PARM1: variants seen among roughly 807,000 people sequenced by gnomAD.
PARM1 encodes the protein WSC4, cell wall integrity and stress response component 4 homolog.
A neutral mutation model predicts 24.6 loss-of-function variants in PARM1; 14 were observed. The observed-to-expected ratio is 0.57, with a 90% CI of 0.38 to 0.89. The LOEUF (loss-of-function observed/expected upper bound fraction) is 0.89, where lower values mean the gene tolerates loss of function less well. Ranked by LOEUF, PARM1 falls within the 40% of genes least tolerant of loss-of-function variation. The probability of loss-of-function intolerance (pLI) is 0.00; values close to 1 mark genes in which losing one functional copy is unlikely to be tolerated. For missense variants in PARM1, 362 were observed against 380.4 expected (o/e 0.95, Z 0.40); for synonymous variants, 179 against 156.6 (o/e 1.14, Z -1.07).
At chr4:75,044,019 C>T (rs190118334) in intron 3 of PARM1, among the ~76,000 whole-genome samples, 44 of 148,242 alleles carry the variant, frequency 3.0e-4, no homozygotes, top group African/African-American at 8.2e-4. Flanking sequence ...GAGTTTGAAA[C>T]GAGCACAGCA....
intron 1 of PARM1, among the ~76,000 whole-genome samples, chr4:74,973,729 G>T (rs1722086674): frequency 6.6e-6 from 1 of 152,024 alleles, no homozygotes; most frequent in Non-Finnish European, 1.5e-5. Flanking sequence ...GCAGATTCTG[G>T]CTGTCTCCTC....
chr4:75,046,226 C>T lies in PARM1; in HGVS notation c.912C>T (p.Asn304=). 6.2e-7 allele frequency: 1 copy of T among 1,610,736 alleles called. No individual in the cohort carries two copies. The highest frequency in any genetic ancestry group is 8.5e-7 in the Non-Finnish European group (1 of 1,176,962). The change falls in exon 4 of 4, where the codon AAC becomes AAT. Residue 304 remains asparagine, a synonymous_variant. Transcript: ENST00000307428. ...ACGGGTCCTGGGGAAACTACAACAA[C>T]CCTCTGTACGATGACTCCTAACAAT... ...HDYGSWGNYN[N]PLYDDS is the part of the protein sequence containing the mutation.
chr4:75,040,030 A>T (rs1267439289), intron 3 of PARM1, among the ~76,000 whole-genome samples: 1 of 152,152 alleles, frequency 6.6e-6, no homozygotes, highest in African/African-American at 2.4e-5. Flanking sequence ...ATTCTCTACC[A>T]GTTTTCTCCA....
intron 1 of PARM1, among the ~76,000 whole-genome samples, chr4:74,960,626 A>G (rs986049693): frequency 6.6e-6 from 1 of 152,176 alleles, no homozygotes; most frequent in African/African-American, 2.4e-5. Context: ...ACAAGACACA[A>G]AAACATAGGA....
Position 74,933,376 on chromosome 4 carries a change from T to A in PARM1, c.43+6T>A. ...TCTTTGCATCTTAACTGCAGGTAAT[T>A]GGCGCCATCCTCCCGGAAGGGCAGG... On this transcript the variant is annotated splice_donor_region_variant and intron_variant, in intron 1 of 3. Transcript: ENST00000307428. The A allele has an allele frequency of 6.2e-7, 1 of 1,612,366 alleles. No homozygotes were observed. Among genetic ancestry groups the A allele is most frequent in the Non-Finnish European group, 8.5e-7 (1 of 1,179,200 alleles).
intron 1 of PARM1, among the ~76,000 whole-genome samples, chr4:75,011,205 G>A (rs1054485113): frequency 7.9e-5 from 12 of 152,300 alleles, no homozygotes; most frequent in African/African-American, 2.9e-4. Flanking sequence ...CCTGAGATTT[G>A]GAGGGCACAT....
At chr4:74,974,863 C>T (rs538013084) in intron 1 of PARM1, among the ~76,000 whole-genome samples, 5 of 152,280 alleles carry the variant, frequency 3.3e-5, no homozygotes, top group Admixed American at 1.3e-4. Flanking sequence ...CTCTGTCTCT[C>T]TCCATCTCAT....
chr4:75,024,866 T>C (rs977584011), intron 2 of PARM1, among the ~76,000 whole-genome samples: 5 of 152,138 alleles, frequency 3.3e-5, no homozygotes, highest in Non-Finnish European at 7.4e-5. Context: ...GCCCCGCTAA[T>C]TATTGTATTT....
At chr4:74,974,166 G>A (rs1424777481) in intron 1 of PARM1, among the ~76,000 whole-genome samples, 1 of 152,208 alleles carries the variant, frequency 6.6e-6, no homozygotes, top group Non-Finnish European at 1.5e-5. Flanking sequence ...CTCTGTTCAG[G>A]CTCGCCACGG....
chr4:74,984,253 A>G (rs141458335), intron 1 of PARM1, among the ~76,000 whole-genome samples: 1 of 152,368 alleles, frequency 6.6e-6, no homozygotes, highest in East Asian at 1.9e-4. Context: ...TAAAAATTGA[A>G]AAGTGTTCTA....
In PARM1 at chr4:75,047,877, A is replaced by G. The variant is rs368494333; in HGVS notation, c.*1630A>G. ...ACCTTTTTATTTCTGTGTGCTTCCTAGAGAGCTTTATTTCATGGCGACAAC... is the reference window on the plus strand; with the variant it reads ...ACCTTTTTATTTCTGTGTGCTTCCTGGAGAGCTTTATTTCATGGCGACAAC... On this transcript the variant is annotated 3_prime_UTR_variant, in exon 4 of 4. Transcript: ENST00000307428. 6.6e-6 allele frequency: 1 copy of G among 152,166 alleles called. No individual in the cohort carries two copies. Among genetic ancestry groups the G allele is most frequent in the Non-Finnish European group, 1.5e-5 (1 of 68,014 alleles). The allele number at this position is 152,166 out of a possible 1,614,324, so 9.4% of individuals were successfully genotyped here.
intron 1 of PARM1, among the ~76,000 whole-genome samples, chr4:74,968,876 CTG>C (rs1721965089): frequency 6.6e-6 from 1 of 152,132 alleles, no homozygotes; most frequent in Non-Finnish European, 1.5e-5. Flanking sequence ...ACAGGTAAAT[CTG>C]TAGGATTTTT....
chr4:75,013,707 G>A (rs1722925169), intron 2 of PARM1, among the ~76,000 whole-genome samples: 1 of 152,216 alleles, frequency 6.6e-6, no homozygotes. Context: ...AAGTAGAGTA[G>A]GAGTGGAGAA....
At chr4:74,995,842 T>C (rs1722567213) in intron 1 of PARM1, among the ~76,000 whole-genome samples, 1 of 152,126 alleles carries the variant, frequency 6.6e-6, no homozygotes, top group African/African-American at 2.4e-5. Context: ...AAGCATCAGC[T>C]GATCACATCA....
At chr4:74,936,643 G>A (rs1721198367) in intron 1 of PARM1, among the ~76,000 whole-genome samples, 1 of 151,800 alleles carries the variant, frequency 6.6e-6, no homozygotes, top group Non-Finnish European at 1.5e-5. Context: ...TTTTAGTAGA[G>A]ACGGGGTTTC....
At chr4:74,966,803 T>G (rs958306871) in intron 1 of PARM1, 1 of 152,238 alleles carries the variant, frequency 6.6e-6, no homozygotes, top group African/African-American at 2.4e-5. Context: ...GGGAGCAGAT[T>G]CCACTTAAGA....
intron 1 of PARM1, among the ~76,000 whole-genome samples, chr4:74,972,480 G>A (rs770955613): frequency 6.6e-6 from 1 of 152,124 alleles, no homozygotes; most frequent in African/African-American, 2.4e-5. Context: ...AAGTCAACAC[G>A]TTTCTGAAAT....
chr4:74,998,463 A>G (rs1342980580), intron 1 of PARM1, among the ~76,000 whole-genome samples: 2 of 152,232 alleles, frequency 1.3e-5, no homozygotes, highest in African/African-American at 4.8e-5. Flanking sequence ...AGGATTCACC[A>G]TGGAGTTTCT....
chr4:74,958,107 C>G (rs539272491), intron 1 of PARM1, among the ~76,000 whole-genome samples: 59 of 152,324 alleles, frequency 3.9e-4, no homozygotes, highest in African/African-American at 1.4e-3. Flanking sequence ...GGTGGTGGAG[C>G]TCTCTGCTTA....
Sources: gnomAD v4.1 joint callset for allele counts (sites outside exome capture counted in the v4.1 genomes callset) on GRCh38, gnomAD v4.1.1 for gene constraint, MANE v1.5 for transcripts, NCBI Gene and HGNC (gene_info 2026-07-23, HGNC 2026-07-21) for gene names.